The following TTC7B variants were observed in gnomAD, a reference collection of about 807,000 sequenced individuals.
TTC7B encodes the protein tetratricopeptide repeat protein 7B.
TTC7B carries 28 observed loss-of-function variants against 106.8 expected under a neutral mutation model. The ratio of observed to expected loss-of-function variants is 0.26; its 90% CI spans 0.19 to 0.36. The LOEUF (loss-of-function observed/expected upper bound fraction) is 0.36. Ranked by LOEUF, TTC7B falls within the 10% of genes least tolerant of loss-of-function variation. The probability of loss-of-function intolerance (pLI) is 1.00; values close to 1 mark genes in which losing one functional copy is unlikely to be tolerated. For missense variants in TTC7B, 862 were observed against 1,076.4 expected (o/e 0.80, Z 2.79); for synonymous variants, 405 against 430.6 (o/e 0.94, Z 0.74).
At chr14:90,770,850 T>C (rs1164823623) in intron 3 of TTC7B, among the ~76,000 whole-genome samples, 2 of 152,050 alleles carry the variant, frequency 1.3e-5, no homozygotes, top group South Asian at 2.1e-4. Context: ...CACAATAGAG[T>C]ATTATTTTGC....
chr14:90,541,154 C>T lies in TTC7B; in HGVS notation c.*214G>A, dbSNP rs1185210259. The stretch of plus-strand genomic sequence containing the variant: ...CCATTTTGAACAATGTCAATAGGTT[C>T]AGAAACTACCATTGGGCTGGCAAAA... On this transcript the variant is annotated 3_prime_UTR_variant, in exon 20 of 20. Coordinates refer to ENST00000328459, the MANE Select transcript of TTC7B (RefSeq NM_001010854.2). 8.3e-6 allele frequency: 4 copies of T among 482,968 alleles called. No homozygotes were observed. The highest frequency in any genetic ancestry group is 1.1e-3 in the Middle Eastern group (2 of 1,864). 29.9% of individuals were successfully genotyped at this position (482,968 alleles called of 1,614,324 possible).
In TTC7B at chr14:90,657,085, G is replaced by T; in HGVS notation, c.1341+89C>A. On this transcript the variant is annotated intron_variant, in intron 11 of 19. Coordinates refer to ENST00000328459, the MANE Select transcript of TTC7B (RefSeq NM_001010854.2). This position sits in a 1 kb window ranked among gnomAD's most constrained non-coding sequence, Gnocchi z 4.2. The stretch of plus-strand genomic sequence containing the variant: ...TTTGTACAGCTGATGAATCACCCTC[G>T]CTTTCTCTCTGTGCCTCGACATGAA... The T allele has an allele frequency of 8.9e-7, 1 of 1,125,094 alleles. No individual in the cohort carries two copies. The highest frequency in any genetic ancestry group is 1.3e-6 in the Non-Finnish European group (1 of 768,224). The allele number at this position is 1,125,094 out of a possible 1,614,324, so 69.7% of individuals were successfully genotyped here.
chr14:90,589,584 T>G (rs1891867778), intron 18 of TTC7B, among the ~76,000 whole-genome samples: 1 of 152,200 alleles, frequency 6.6e-6, no homozygotes, highest in Admixed American at 6.5e-5. Context: ...GTTGGTTAAA[T>G]CCGTGGGTGC....
chr14:90,627,237 C>T (rs373803109), intron 15 of TTC7B, among the ~76,000 whole-genome samples: 2 of 152,142 alleles, frequency 1.3e-5, no homozygotes, highest in African/African-American at 2.4e-5. Context: ...CCTCCTACCT[C>T]GGCCTCCCAA....
rs533910027 is a variant in TTC7B at position 90,808,974 on chromosome 14, C to T, written c.121+7201G>A. On this transcript the variant is annotated intron_variant, in intron 1 of 19. Transcript: ENST00000328459. This position sits in a 1 kb window ranked among gnomAD's most constrained non-coding sequence, Gnocchi z 4.2. ...CCTTCAGCAGCCAGTAACGACCAAA[C>T]GCCTGACTCAGTGTGGCTTCAACAA... is the stretch of plus-strand genomic sequence containing the variant. Among the ~76,000 whole-genome samples the T allele has an allele frequency of 1.4e-3, 208 of 152,312 alleles. No individual in the cohort carries two copies. The highest frequency in any genetic ancestry group is 4.7e-3 in the African/African-American group (195 of 41,570).
At position 90,578,403 on chromosome 14, in the gene TTC7B, G is replaced by A; in HGVS notation, c.2108-95C>T. 7.6e-7 allele frequency: 1 copy of A among 1,320,084 alleles called. No homozygotes were observed. Among genetic ancestry groups the A allele is most frequent in the Middle Eastern group, 2.1e-4 (1 of 4,680 alleles). 81.8% of individuals were successfully genotyped at this position (1,320,084 alleles called of 1,614,324 possible). A position where few individuals can be genotyped will look rare whatever the true frequency, so the allele number is the denominator to read the frequency against. ...TGATGTTCGTGTTCCCTGCACGGGA[G>A]TCTGGCGGGGCGCAGAGCCAGCTGA... On this transcript the variant is annotated intron_variant, in intron 18 of 19. Coordinates refer to ENST00000328459, the MANE Select transcript of TTC7B (RefSeq NM_001010854.2). The surrounding 1 kb of genome is among the most constrained non-coding windows in gnomAD (Gnocchi z 4.7).
rs2140013016 is a variant in TTC7B, at chr14:90,757,378, G to A, written c.446-12456C>T. Among the ~76,000 whole-genome samples, 1 of 152,190 alleles carries A rather than the reference G, an allele frequency of 6.6e-6. No homozygotes were observed. The highest frequency in any genetic ancestry group is 1.9e-4 in the East Asian group (1 of 5,180). ...AGTATCATTTGAGCCCAGGAGTTTG[G>A]GGCTGCAGGGAGCTATGATCGCACT... is the stretch of plus-strand genomic sequence containing the variant. On this transcript the variant is annotated intron_variant, in intron 3 of 19. Coordinates refer to ENST00000328459, the MANE Select transcript of TTC7B (RefSeq NM_001010854.2). This position sits in a 1 kb window ranked among gnomAD's most constrained non-coding sequence, Gnocchi z 4.1.
At position 90,577,560 on chromosome 14, in the gene TTC7B, C is replaced by T. The variant is rs1891309046; in HGVS notation, c.2310+546G>A. On this transcript the variant is annotated intron_variant, in intron 19 of 19. Transcript: ENST00000328459. This position sits in a 1 kb window ranked among gnomAD's most constrained non-coding sequence, Gnocchi z 5.0. ...CTGTGCAGTGTGGACACTAGGGTGA[C>T]TCATCTGCCTCCCACCTCTCAGGGC... is the stretch of plus-strand genomic sequence containing the variant. 6.6e-6 allele frequency among the ~76,000 whole-genome samples: 1 copy of T among 152,192 alleles called. No individual in the cohort carries two copies. Among genetic ancestry groups the T allele is most frequent in the Non-Finnish European group, 1.5e-5 (1 of 68,032 alleles).
chr14:90,729,879 C>T (rs1403053475), intron 5 of TTC7B, among the ~76,000 whole-genome samples, 196 bp downstream of exon 5: 2 of 152,030 alleles, frequency 1.3e-5, no homozygotes, highest in Non-Finnish European at 2.9e-5. Context: ...ACCTTCACAT[C>T]TCATGGGAAA....
At chr14:90,563,588 A>G (rs1045830248) in intron 19 of TTC7B, among the ~76,000 whole-genome samples, 1 of 152,166 alleles carries the variant, frequency 6.6e-6, no homozygotes, top group Non-Finnish European at 1.5e-5. Context: ...GTTTCCTACA[A>G]TAAGACAACA....
In TTC7B at chr14:90,578,096, G is replaced by T. The variant is rs777289370; in HGVS notation, c.2310+10C>A. 6.2e-7 allele frequency: 1 copy of T among 1,603,982 alleles called. No individual in the cohort carries two copies. Among genetic ancestry groups the T allele is most frequent in the East Asian group, 2.2e-5 (1 of 44,598 alleles). On this transcript the variant is annotated intron_variant, in intron 19 of 19. Coordinates refer to ENST00000328459, the MANE Select transcript of TTC7B (RefSeq NM_001010854.2). This position sits in a 1 kb window ranked among gnomAD's most constrained non-coding sequence, Gnocchi z 4.7. ...CAGAGTAGGGGCCACCGCCGGGCTC[G>T]TGGACTCACCAGTCGCTGCATGCTC... is the stretch of plus-strand genomic sequence containing the variant.
intron 1 of TTC7B, among the ~76,000 whole-genome samples, chr14:90,796,062 T>C (rs954449672): frequency 6.6e-6 from 1 of 152,148 alleles, no homozygotes; most frequent in Non-Finnish European, 1.5e-5. Context: ...CCCTACACTC[T>C]CTCCGGCACG....
In TTC7B at chr14:90,529,785, G is replaced by C. The variant is rs561350036; in HGVS notation, c.*11583C>G. 12 of 152,282 alleles carry C rather than the reference G, an allele frequency of 7.9e-5. 1 individual carries two copies. The highest frequency in any genetic ancestry group is 2.9e-4 in the African/African-American group (12 of 41,564). The allele number at this position is 152,282 out of a possible 1,614,324, so 9.4% of individuals were successfully genotyped here. ...GCTGGCATTACCCATTCCATTGTATGTGGCATGACAATGTGAAACCACTTA... is the reference window on the plus strand; with the variant it reads ...GCTGGCATTACCCATTCCATTGTATCTGGCATGACAATGTGAAACCACTTA... On this transcript the variant is annotated 3_prime_UTR_variant, in exon 20 of 20. Transcript: ENST00000328459.
intron 19 of TTC7B, among the ~76,000 whole-genome samples, chr14:90,553,791 G>A (rs917979552): frequency 6.6e-6 from 1 of 152,190 alleles, no homozygotes; most frequent in Admixed American, 6.5e-5. Context: ...ATAGCTCCTC[G>A]AAGGAGACCT....
intron 3 of TTC7B, among the ~76,000 whole-genome samples, chr14:90,755,992 A>G (rs1186077479): frequency 6.6e-6 from 1 of 152,244 alleles, no homozygotes; most frequent in East Asian, 1.9e-4. Flanking sequence ...CAAGAAGACA[A>G]TAACAACCAC....
chr14:90,698,228 T>C (rs1370277579), intron 5 of TTC7B: 1 of 152,142 alleles, frequency 6.6e-6, no homozygotes, highest in African/African-American at 2.4e-5. Context: ...GGAAAAATGT[T>C]CAAGTACACG....
intron 1 of TTC7B, among the ~76,000 whole-genome samples, chr14:90,815,192 C>T (rs554083158): frequency 2.0e-5 from 3 of 152,310 alleles, no homozygotes; most frequent in African/African-American, 7.2e-5. Flanking sequence ...GAGACAAACC[C>T]TCTGCCCTCT....
At chr14:90,758,087 C>T (rs1890363918) in intron 3 of TTC7B, among the ~76,000 whole-genome samples, 1 of 152,060 alleles carries the variant, frequency 6.6e-6, no homozygotes, top group Non-Finnish European at 1.5e-5. Context: ...TCCCAGAGAG[C>T]TCGGCTTGGT....
intron 18 of TTC7B, among the ~76,000 whole-genome samples, chr14:90,585,155 T>C (rs756110254): frequency 7.9e-5 from 12 of 152,152 alleles, no homozygotes; most frequent in South Asian, 2.1e-4. Flanking sequence ...TCTGGCCTCA[T>C]TGAAGGCCCA....
Sources: gnomAD v4.1 joint callset for allele counts (sites outside exome capture counted in the v4.1 genomes callset) on GRCh38, gnomAD v4.1.1 for gene constraint, Gnocchi (gnomAD v3.1) non-coding constraint, MANE v1.5 for transcripts, NCBI Gene and HGNC (gene_info 2026-07-23, HGNC 2026-07-21) for gene names.